C1orf198: variants seen among roughly 807,000 people sequenced by gnomAD.
The protein encoded by C1orf198 is uncharacterized protein C1orf198.
Under a neutral mutation model 31.4 loss-of-function variants are expected in C1orf198, and 17 were observed. The ratio of observed to expected loss-of-function variants is 0.54; its 90% CI spans 0.37 to 0.81. C1orf198 has a LOEUF of 0.81. Among genes scored for constraint, C1orf198 ranks in the 40% least tolerant of loss-of-function variants. The pLI is 0.00. For missense variants in C1orf198, 401 were observed against 450.3 expected, an observed-to-expected ratio of 0.89 and a Z score of 0.99; for synonymous variants, 175 against 193.8, an observed-to-expected ratio of 0.90 and a Z score of 0.81.
At chr1:230,850,863 T>C (rs1669722625) in intron 2 of C1orf198, among the ~76,000 whole-genome samples, 1 of 152,080 alleles carries the variant, frequency 6.6e-6, no homozygotes, top group Admixed American at 6.5e-5. Context: ...AGGAACATCC[T>C]GCTGGAACAG....
At chr1:230,853,741 C>G (rs1669801680) in intron 2 of C1orf198, among the ~76,000 whole-genome samples, 1 of 152,154 alleles carries the variant, frequency 6.6e-6, no homozygotes, top group Non-Finnish European at 1.5e-5. Context: ...TAAAAGGATG[C>G]AATTTCTGAT....
At position 230,839,693 on chromosome 1, in the gene C1orf198, G is replaced by T; in HGVS notation, c.*159C>A. The T allele has an allele frequency of 1.6e-6, 1 of 627,256 alleles. No homozygotes were observed. Among genetic ancestry groups the T allele is most frequent in the Non-Finnish European group, 2.7e-6 (1 of 374,984 alleles). The allele number at this position is 627,256 out of a possible 1,614,324, so 38.9% of individuals were successfully genotyped here. ...ATATATATCTGGTTCTACCAAAAAAGAAAAAAATCTGGCAATATTGACCAG... is the reference window on the plus strand; with the variant it reads ...ATATATATCTGGTTCTACCAAAAAATAAAAAAATCTGGCAATATTGACCAG... On this transcript the variant is annotated 3_prime_UTR_variant, in exon 4 of 4. Transcript: ENST00000366663.
chr1:230,855,917 C>T, intron 1 of C1orf198, 199 bp from the exon 2 acceptor site: 3 of 1,345,046 alleles, frequency 2.2e-6, no homozygotes, highest in Non-Finnish European at 2.9e-6. Context: ...CCCGCTGAGG[C>T]TGCCAGACAC....
intron 2 of C1orf198, among the ~76,000 whole-genome samples, chr1:230,849,683 T>C (rs549097106): frequency 6.6e-6 from 1 of 152,310 alleles, no homozygotes; most frequent in African/African-American, 2.4e-5. Flanking sequence ...AAAAGACGAG[T>C]GCAGGCTGCC....
chr1:230,863,385 C>A (rs1670041950), intron 1 of C1orf198, among the ~76,000 whole-genome samples: 1 of 152,188 alleles, frequency 6.6e-6, no homozygotes, highest in South Asian at 2.1e-4. Flanking sequence ...TAGGTCTCAT[C>A]TTCCTTCATT....
intron 2 of C1orf198, among the ~76,000 whole-genome samples, chr1:230,854,298 T>C (rs957636939): frequency 2.0e-5 from 3 of 152,190 alleles, no homozygotes; most frequent in Non-Finnish European, 2.9e-5. Flanking sequence ...GGATTAGTAC[T>C]TCTCACAATT....
intron 2 of C1orf198, among the ~76,000 whole-genome samples, chr1:230,851,988 G>C (rs891922242): frequency 6.6e-6 from 1 of 152,332 alleles, no homozygotes; most frequent in East Asian, 1.9e-4. Context: ...TCTGCCCATG[G>C]CCATGACCTT....
At chr1:230,856,878 C>T (rs556104680) in intron 1 of C1orf198, among the ~76,000 whole-genome samples, 11 of 152,334 alleles carry the variant, frequency 7.2e-5, no homozygotes, top group Admixed American at 5.2e-4. Context: ...ACCGACTCTG[C>T]GCCCCTAAGT....
chr1:230,844,189 C>T (rs1284891674), intron 2 of C1orf198, among the ~76,000 whole-genome samples: 1 of 152,076 alleles, frequency 6.6e-6, no homozygotes, highest in African/African-American at 2.4e-5. Context: ...GGAGGTGAGG[C>T]CTCGTGGGAG....
At chr1:230,863,280 A>C in intron 1 of C1orf198, among the ~76,000 whole-genome samples, 2 of 152,224 alleles carry the variant, frequency 1.3e-5, no homozygotes, top group East Asian at 3.8e-4. Flanking sequence ...AGCAAAACAA[A>C]AACTCAGCAT....
At chr1:230,855,780 C>A (rs940964601) in intron 1 of C1orf198, 62 bp from the exon 2 acceptor site, 94 of 1,580,480 alleles carry the variant, frequency 5.9e-5, no homozygotes, top group Non-Finnish European at 7.7e-5. Context: ...ATGCAAATAT[C>A]CACCCAGGAC....
intron 3 of C1orf198, 46 bp from the exon 4 acceptor site, chr1:230,839,954 T>C: frequency 3.9e-6 from 6 of 1,534,276 alleles, no homozygotes; most frequent in Non-Finnish European, 5.3e-6. Flanking sequence ...CCTCTTTTTT[T>C]CAGTTACGTA....
Position 230,843,536 on chromosome 1 carries a change from G to A in C1orf198, c.745C>T (p.Arg249Cys), listed in dbSNP as rs750190513. 57 of 1,612,298 alleles carry A rather than the reference G, an allele frequency of 3.5e-5. 1 individual carries two copies. The East Asian group carries it at 8.9e-4, about 25-fold the overall frequency. Residue 249 changes from arginine to cysteine, a missense_variant, in exon 3 of 4, where the codon CGT becomes TGT. Transcript: ENST00000366663. The surrounding 1 kb of genome is among the most constrained non-coding windows in gnomAD (Gnocchi z 4.9). Reference protein sequence around the residue: ...EAKVERPSTLRQEQRPLPNVS... With the variant: ...EAKVERPSTLCQEQRPLPNVS... Reference sequence around the variant, plus strand: ...TTGGGAAGAGGACGCTGCTCCTGACGGAGGGTGCTGGGCCTTTCCACCTTG... The same window carrying A: ...TTGGGAAGAGGACGCTGCTCCTGACAGAGGGTGCTGGGCCTTTCCACCTTG...
chr1:230,840,520 G>C lies in C1orf198; in HGVS notation c.928-612C>G, dbSNP rs1008210459. ...CGTGCACCACAAGGCCTGGTTTAAT[G>C]TCATTCTTCTTTCAGGGGAAAGGGC... On this transcript the variant is annotated intron_variant, in intron 3 of 3. Coordinates refer to ENST00000366663, the MANE Select transcript of C1orf198 (RefSeq NM_032800.3). The surrounding 1 kb of genome is among the most constrained non-coding windows in gnomAD (Gnocchi z 4.0). 5.3e-5 allele frequency among the ~76,000 whole-genome samples: 8 copies of C among 152,180 alleles called. No homozygotes were observed. The highest frequency in any genetic ancestry group is 7.3e-5 in the Non-Finnish European group (5 of 68,042).
intron 2 of C1orf198, among the ~76,000 whole-genome samples, chr1:230,846,851 C>A (rs1669600250): frequency 6.6e-6 from 1 of 152,100 alleles, no homozygotes. Context: ...CGCCTGTAAT[C>A]CCAGCACTTT....
In C1orf198 at chr1:230,840,963, T is replaced by C. The variant is rs1166251829; in HGVS notation, c.928-1055A>G. ...CTGTGCTTTACTCAGAAATCTGTTC[T>C]CTCAAAGGAATTTCATGTGCTGTCT... On this transcript the variant is annotated intron_variant, in intron 3 of 3. Coordinates refer to ENST00000366663, the MANE Select transcript of C1orf198 (RefSeq NM_032800.3). The surrounding 1 kb of genome is among the most constrained non-coding windows in gnomAD (Gnocchi z 4.0). Among the ~76,000 whole-genome samples the C allele has an allele frequency of 2.0e-5, 3 of 152,348 alleles. No homozygotes were observed. Among genetic ancestry groups the C allele is most frequent in the African/African-American group, 7.2e-5 (3 of 41,582 alleles).
intron 2 of C1orf198, among the ~76,000 whole-genome samples, chr1:230,849,288 G>A (rs914883033): frequency 1.3e-5 from 2 of 151,970 alleles, no homozygotes; most frequent in Non-Finnish European, 2.9e-5. Flanking sequence ...CAGGGCTGGC[G>A]GGAGGATGAG....
intron 2 of C1orf198, among the ~76,000 whole-genome samples, chr1:230,853,144 C>T (rs940971933): frequency 3.3e-5 from 5 of 152,122 alleles, no homozygotes; most frequent in East Asian, 3.9e-4. Flanking sequence ...GCAAGGCCAA[C>T]GGAAGAACAG....
chr1:230,865,698 C>T (rs146807379), intron 1 of C1orf198, among the ~76,000 whole-genome samples: 7 of 152,322 alleles, frequency 4.6e-5, no homozygotes, highest in Admixed American at 2.0e-4. Flanking sequence ...CAGATGCACA[C>T]GGAACTTCAG....
Sources: allele counts gnomAD v4.1 joint callset (sites outside exome capture counted in the v4.1 genomes callset), GRCh38; gene constraint gnomAD v4.1.1; non-coding constraint Gnocchi (gnomAD v3.1); transcripts MANE v1.5; gene names NCBI Gene and HGNC (gene_info 2026-07-23, HGNC 2026-07-21).